The following HP1BP3 variants were observed in gnomAD, a reference collection of about 807,000 sequenced individuals.
HP1BP3 encodes the protein heterochromatin protein 1 binding protein 3.
A neutral mutation model predicts 62.5 loss-of-function variants in HP1BP3; 12 were observed. That is an observed-to-expected ratio of 0.19 (90% CI 0.12 to 0.31). HP1BP3 has a LOEUF of 0.31. HP1BP3 is among the 10% of genes least tolerant of loss of function. HP1BP3 has a pLI of 1.00. For missense variants in HP1BP3, 502 were observed against 651.8 expected (o/e 0.77, Z 2.50); for synonymous variants, 260 against 237.8 (o/e 1.09, Z -0.86).
intron 1 of HP1BP3, among the ~76,000 whole-genome samples, chr1:20,786,971 G>C (rs1451380525): frequency 1.3e-5 from 2 of 152,078 alleles, no homozygotes; most frequent in African/African-American, 4.8e-5. Flanking sequence ...CTGAGGAGGA[G>C]TCCACCAAAA....
chr1:20,786,995 G>C (rs1283697427), intron 1 of HP1BP3, among the ~76,000 whole-genome samples, 200 bp downstream of exon 1: 1 of 152,070 alleles, frequency 6.6e-6, no homozygotes, highest in Non-Finnish European at 1.5e-5. Flanking sequence ...CAGGGGGCTA[G>C]GTCGCAGGAG....
chr1:20,786,419 A>C (rs2154542130), intron 1 of HP1BP3: 1 of 152,070 alleles, frequency 6.6e-6, no homozygotes, highest in African/African-American at 2.4e-5. Flanking sequence ...AGCAGCGGAG[A>C]CAAAGCAGCG....
At chr1:20,778,111 T>C (rs74917316) in intron 3 of HP1BP3, among the ~76,000 whole-genome samples, 70 of 152,172 alleles carry the variant, frequency 4.6e-4, no homozygotes, top group African/African-American at 1.6e-3. Flanking sequence ...CTAAAAAAGA[T>C]GAAAAGCTAA....
intron 9 of HP1BP3, among the ~76,000 whole-genome samples, chr1:20,750,816 CT>C (rs767621434): frequency 1.3e-3 from 157 of 116,524 alleles, no homozygotes; most frequent in Middle Eastern, 4.8e-3. Context: ...TATTTTCTCT[CT>C]TTTTTTTTTT....
In HP1BP3 at chr1:20,740,803, G is replaced by A. The variant is rs1229911516; in HGVS notation, c.*3994C>T. ...ACTGCGCTGCAGCCTTAGTGACACA[G>A]CAAACTCCATCTCAAAAAAATAATA... is the stretch of plus-strand genomic sequence containing the variant. On this transcript the variant is annotated 3_prime_UTR_variant, in exon 13 of 13. Transcript: ENST00000438032. 6.6e-6 allele frequency among the ~76,000 whole-genome samples: 1 copy of A among 152,224 alleles called. No homozygotes were observed. Among genetic ancestry groups the A allele is most frequent in the African/African-American group, 2.4e-5 (1 of 41,462 alleles).
intron 4 of HP1BP3, chr1:20,775,810 C>T: frequency 1.6e-6 from 1 of 622,844 alleles, no homozygotes; most frequent in Non-Finnish European, 2.6e-6. Flanking sequence ...TCCCATAAAG[C>T]CTAGGTATGT....
chr1:20,745,585 G>A lies in HP1BP3; in HGVS notation c.1325C>T (p.Ser442Leu). 1 of 1,613,834 alleles carries A rather than the reference G, an allele frequency of 6.2e-7. No individual in the cohort carries two copies. The highest frequency in any genetic ancestry group is 2.2e-5 in the East Asian group (1 of 44,878). ...RDEDEDEDES[S>L]EEDSEDEEPP... The stretch of plus-strand genomic sequence containing the variant: ...CTCTTCATCCTCAGAGTCTTCTTCT[G>A]ATGACTCATCTTCATCTTCATCCTC... Residue 442 changes from serine to leucine, a missense_variant, in exon 12 of 13, where the codon TCA becomes TTA. Coordinates refer to ENST00000438032, the MANE Select transcript of HP1BP3 (RefSeq NM_001372052.1).
rs759840120 is a variant in HP1BP3, at chr1:20,747,672, A to G, written c.1142-17T>C. 6.7e-7 allele frequency: 1 copy of G among 1,493,040 alleles called. No individual in the cohort carries two copies. The highest frequency in any genetic ancestry group is 1.1e-5 in the South Asian group (1 of 87,212). The allele number at this position is 1,493,040 out of a possible 1,614,324, so 92.5% of individuals were successfully genotyped here. On this transcript the variant is annotated splice_polypyrimidine_tract_variant and intron_variant, in intron 10 of 12. Transcript: ENST00000438032. Reference sequence around the variant, plus strand: ...GCAAATGCACTGAAAAAAAAAATTCAGAAATGAAAGTTATCTAGTTATTCA... The same window carrying G: ...GCAAATGCACTGAAAAAAAAAATTCGGAAATGAAAGTTATCTAGTTATTCA...
At chr1:20,775,596 T>C in intron 4 of HP1BP3, 1 of 170,574 alleles carries the variant, frequency 5.9e-6, no homozygotes, top group Non-Finnish European at 1.2e-5. Context: ...ACTCACTCAC[T>C]CACCCAAACA....
At chr1:20,750,212 G>C (rs914431425) in intron 9 of HP1BP3, 1 of 206,542 alleles carries the variant, frequency 4.8e-6, no homozygotes, top group African/African-American at 2.3e-5. Context: ...TTTTGGCTGG[G>C]TGCTCACACC....
At chr1:20,751,860 G>A (rs967704372) in intron 9 of HP1BP3, among the ~76,000 whole-genome samples, 3 of 152,072 alleles carry the variant, frequency 2.0e-5, no homozygotes, top group Non-Finnish European at 4.4e-5. Flanking sequence ...AACCAGAAAT[G>A]CTCTACAAAA....
At chr1:20,763,647 TG>T (rs779742251) in intron 8 of HP1BP3, among the ~76,000 whole-genome samples, 7 of 152,222 alleles carry the variant, frequency 4.6e-5, no homozygotes, top group Non-Finnish European at 7.3e-5. Flanking sequence ...TCAGAGTCTG[TG>T]AATTACAAAT....
rs189375269 is a variant in HP1BP3 at position 20,771,182 on chromosome 1, G to A, written c.511-109C>T. On this transcript the variant is annotated intron_variant, in intron 5 of 12. Coordinates refer to ENST00000438032, the MANE Select transcript of HP1BP3 (RefSeq NM_001372052.1). ...GAATTTGATGATAGATGACAAAAAC[G>A]GTAGGGAAGAATGAACTTCAGAAGA... The A allele has an allele frequency of 6.2e-4, 537 of 862,704 alleles. 1 individual carries two copies. The highest frequency in any genetic ancestry group is 8.0e-4 in the Non-Finnish European group (445 of 553,176). The allele number at this position is 862,704 out of a possible 1,614,324, so 53.4% of individuals were successfully genotyped here.
intron 8 of HP1BP3, among the ~76,000 whole-genome samples, chr1:20,758,645 CTTTT>C (rs1001723047): frequency 1.5e-5 from 2 of 133,070 alleles, no homozygotes; most frequent in Non-Finnish European, 3.3e-5. Flanking sequence ...CACACCTGGC[CTTTT>C]TTTTTTTTTT....
At chr1:20,767,361 T>A (rs189544753) in intron 7 of HP1BP3, among the ~76,000 whole-genome samples, 8 of 152,290 alleles carry the variant, frequency 5.3e-5, no homozygotes, top group African/African-American at 1.9e-4. Flanking sequence ...TAATTTAATA[T>A]AAGGCACTTA....
At chr1:20,785,464 C>T (rs1403886150) in intron 1 of HP1BP3, among the ~76,000 whole-genome samples, 3 of 152,184 alleles carry the variant, frequency 2.0e-5, no homozygotes. Flanking sequence ...TGTTCCCAAT[C>T]TTAAGTCATT....
chr1:20,773,737 T>G, intron 4 of HP1BP3, 127 bp from the exon 5 acceptor site: 1 of 612,556 alleles, frequency 1.6e-6, no homozygotes, highest in Non-Finnish European at 2.5e-6. Context: ...TAAGATGACA[T>G]GTACCATAAG....
intron 8 of HP1BP3, among the ~76,000 whole-genome samples, chr1:20,761,083 C>T (rs1043909752): frequency 1.3e-5 from 2 of 151,982 alleles, no homozygotes; most frequent in East Asian, 3.9e-4. Context: ...CTCACTCTGT[C>T]GCCCAGGCTG....
chr1:20,753,621 C>T (rs1165276166), intron 9 of HP1BP3, among the ~76,000 whole-genome samples: 1 of 152,130 alleles, frequency 6.6e-6, no homozygotes, highest in Non-Finnish European at 1.5e-5. Flanking sequence ...GATTAAAATA[C>T]CTATTCAAAG....
Sources: gnomAD v4.1 joint callset for allele counts (sites outside exome capture counted in the v4.1 genomes callset) on GRCh38, gnomAD v4.1.1 for gene constraint, MANE v1.5 for transcripts, NCBI Gene and HGNC (gene_info 2026-07-23, HGNC 2026-07-21) for gene names.